The following ACOT1 variants were observed in gnomAD, a reference collection of about 807,000 sequenced individuals.
ACOT1 encodes acyl-coenzyme A thioesterase 1.
In ACOT1, 8 loss-of-function variants were observed where a neutral mutation model predicts 15.7. That is an observed-to-expected ratio of 0.51 (90% CI 0.30 to 0.92). The LOEUF is 0.92. ACOT1 is among the 40% of genes least tolerant of loss of function. ACOT1 has a pLI of 0.06. For synonymous variants in ACOT1, 67 were observed against 241.2 expected, an observed-to-expected ratio of 0.28 and a Z score of 6.69; for missense variants, 151 against 539.4, an observed-to-expected ratio of 0.28 and a Z score of 7.13.
upstream of ACOT1, among the ~76,000 whole-genome samples, chr14:73,535,803 C>G (rs532903002): frequency 8.7e-5 from 10 of 114,768 alleles, 4 homozygotes; most frequent in Admixed American, 8.8e-4. Flanking sequence ...GAGACAGGGT[C>G]TTATCCAGGT....
the ACOT1 span, chr14:73,512,176 G>A: frequency 3.1e-6 from 5 of 1,613,530 alleles, no homozygotes; most frequent in African/African-American, 4.0e-5. Flanking sequence ...GAAATGAAAA[G>A]AGAACCACCT....
At chr14:73,495,258 G>T in the ACOT1 span, 1 of 1,613,940 alleles carries the variant, frequency 6.2e-7, no homozygotes, top group Non-Finnish European at 8.5e-7. Flanking sequence ...AAAGTCTGGA[G>T]TGTTAGTGGT....
chr14:73,518,973 G>A, the ACOT1 span: 3 of 1,562,386 alleles, frequency 1.9e-6, no homozygotes, highest in Non-Finnish European at 2.6e-6. Flanking sequence ...ATGGGAAGTA[G>A]CCACATTCCC....
chr14:73,491,422 G>T, the ACOT1 span: 2 of 1,352,760 alleles, frequency 1.5e-6, no homozygotes, highest in Non-Finnish European at 1.9e-6. Flanking sequence ...TGGTGGAGGT[G>T]CCCGCCGCGC....
At chr14:73,521,831 T>C in the ACOT1 span, among the ~76,000 whole-genome samples, 1 of 152,184 alleles carries the variant, frequency 6.6e-6, no homozygotes, top group African/African-American at 2.4e-5. Flanking sequence ...CAAGGATACA[T>C]TTCTGGGAGC....
chr14:73,515,094 A>G, the ACOT1 span, among the ~76,000 whole-genome samples: 8 of 151,728 alleles, frequency 5.3e-5, no homozygotes, highest in African/African-American at 1.2e-4. Flanking sequence ...AAAAAAAACT[A>G]TAGTTATATT....
At chr14:73,492,914 C>G in the ACOT1 span, 2 of 1,613,688 alleles carry the variant, frequency 1.2e-6, no homozygotes, top group Non-Finnish European at 1.7e-6. The surrounding 1 kb of genome is among the most constrained non-coding windows in gnomAD (Gnocchi z 4.9). Flanking sequence ...GGGGCTGCTG[C>G]TCACTAAGAT....
the ACOT1 span, chr14:73,527,487 C>T: frequency 9.9e-5 from 15 of 151,680 alleles, no homozygotes; most frequent in Non-Finnish European, 2.2e-4. Context: ...AAAGGCTGCT[C>T]TGCCTATGGA....
chr14:73,504,604 A>G, the ACOT1 span, among the ~76,000 whole-genome samples: 3 of 152,152 alleles, frequency 2.0e-5, no homozygotes, highest in African/African-American at 4.8e-5. Flanking sequence ...GGACTTTAGC[A>G]GCAGGGTGCT....
At chr14:73,500,094 G>A in the ACOT1 span, among the ~76,000 whole-genome samples, 2 of 152,136 alleles carry the variant, frequency 1.3e-5, no homozygotes, top group Non-Finnish European at 2.9e-5. Context: ...GCCAGGTGTG[G>A]TGGCAGGTGC....
chr14:73,499,276 T>C, the ACOT1 span: 1 of 742,798 alleles, frequency 1.3e-6, no homozygotes, highest in East Asian at 2.5e-5. Context: ...ACATCAGGAG[T>C]TTGAGACCAG....
chr14:73,506,803 T>C, the ACOT1 span, among the ~76,000 whole-genome samples: 4 of 110,392 alleles, frequency 3.6e-5, no homozygotes, highest in South Asian at 1.3e-3. Context: ...TGACTTTAAC[T>C]GTTTTTTTTT....
chr14:73,515,238 A>G, the ACOT1 span, among the ~76,000 whole-genome samples: 1,305 of 152,304 alleles, frequency 8.6e-3, 15 homozygotes, highest in Non-Finnish European at 0.011. Flanking sequence ...CACACTGCCT[A>G]TTAGTCTCAT....
chr14:73,492,768 G>A, the ACOT1 span: 2 of 1,613,958 alleles, frequency 1.2e-6, no homozygotes, highest in Non-Finnish European at 8.5e-7. The surrounding 1 kb of genome is among the most constrained non-coding windows in gnomAD (Gnocchi z 4.9). Context: ...GAACCCAAGT[G>A]CTTGGAAATA....
chr14:73,517,854 C>T, the ACOT1 span, among the ~76,000 whole-genome samples: 4 of 151,772 alleles, frequency 2.6e-5, no homozygotes, highest in African/African-American at 4.8e-5. Context: ...TTTGGGAGGC[C>T]GAGGTGGACA....
chr14:73,518,419 A>G, the ACOT1 span, among the ~76,000 whole-genome samples: 530 of 152,274 alleles, frequency 3.5e-3, 2 homozygotes, highest in African/African-American at 0.012. Flanking sequence ...AAAGAAAAAA[A>G]AAAAAAAGGA....
the ACOT1 span, among the ~76,000 whole-genome samples, chr14:73,508,476 C>T: frequency 2.6e-5 from 4 of 152,174 alleles, no homozygotes; most frequent in South Asian, 4.1e-4. Context: ...TGGCTGGGCA[C>T]GGTGGCTAAC....
chr14:73,531,946 C>T, the ACOT1 span, among the ~76,000 whole-genome samples: 5 of 114,400 alleles, frequency 4.4e-5, 2 homozygotes. Context: ...GCAGGAGAAT[C>T]GCCTGGACCC....
At chr14:73,537,132 T>C, upstream of ACOT1, 1 of 315,862 alleles carries the variant, frequency 3.2e-6, no homozygotes, top group Non-Finnish European at 5.4e-6. Flanking sequence ...GAACCAGTCC[T>C]GGCCCAGCCC....
Sources: allele counts gnomAD v4.1 joint callset (sites outside exome capture counted in the v4.1 genomes callset), GRCh38; gene constraint gnomAD v4.1.1; non-coding constraint Gnocchi (gnomAD v3.1); transcripts MANE v1.5; gene names NCBI Gene and HGNC (gene_info 2026-07-23, HGNC 2026-07-21).